Variants in RCAN3 observed in about 807,000 individuals in gnomAD.
RCAN3 encodes calcipressin-3.
Under a neutral mutation model 21.9 loss-of-function variants are expected in RCAN3, and 19 were observed. That is an observed-to-expected ratio of 0.87 (90% CI 0.61 to 1.27). The LOEUF is 1.27. RCAN3 is among the 50% of genes most tolerant of loss of function. The pLI, the probability that RCAN3 is intolerant of heterozygous loss-of-function variation, is 0.00. For missense variants in RCAN3, 240 were observed against 300.1 expected (o/e 0.80, Z 1.48); for synonymous variants, 114 against 112.3 (o/e 1.01, Z -0.09).
intron 1 of RCAN3, among the ~76,000 whole-genome samples, chr1:24,512,493 A>T (rs1474081800): frequency 6.6e-6 from 1 of 152,160 alleles, no homozygotes; most frequent in Non-Finnish European, 1.5e-5. Context: ...TCACTCCCCA[A>T]CACCAAGCAG....
At chr1:24,504,580 G>A (rs1647295450) in intron 1 of RCAN3, among the ~76,000 whole-genome samples, 1 of 152,218 alleles carries the variant, frequency 6.6e-6, no homozygotes, top group Admixed American at 6.5e-5. Context: ...TGAACATTAG[G>A]TAACAGACAA....
At chr1:24,508,475 T>C (rs185801076) in intron 1 of RCAN3, among the ~76,000 whole-genome samples, 28 of 152,074 alleles carry the variant, frequency 1.8e-4, no homozygotes, top group African/African-American at 6.5e-4. Flanking sequence ...CCAGTGTGGA[T>C]AAAGTCACGC....
Position 24,531,283 on chromosome 1 carries a change from TAG to T in RCAN3, c.263_264del (p.Arg88LysfsTer10). The stretch of plus-strand genomic sequence containing the variant: ...TTACTTTTCAGCTGTTTAAAAGCTT[TAG>T]AAGAGTCAGAATAAATTTCAGCAAA... The part of the protein sequence containing the change: ...QVTFQLFKSF[R>X]RVRINFSKPE... On this transcript the variant is annotated frameshift_variant, in exon 3 of 5. Transcript: ENST00000374395. LOFTEE classifies it high-confidence loss of function. 1 of 1,613,924 alleles carries T rather than the reference TAG, an allele frequency of 6.2e-7. No homozygotes were observed. Among genetic ancestry groups the T allele is most frequent in the Middle Eastern group, 1.6e-4 (1 of 6,062 alleles).
intron 2 of RCAN3, among the ~76,000 whole-genome samples, chr1:24,518,908 G>A (rs922402035): frequency 1.3e-5 from 2 of 152,058 alleles, no homozygotes; most frequent in African/African-American, 4.8e-5. Flanking sequence ...CAAGTAGCTA[G>A]GATTACAGGC....
Position 24,538,571 on chromosome 1 carries a change from A to ATTTTTTTTTTT in RCAN3, c.*3304_*3314dup, listed in dbSNP as rs34827408. ...AGGCGCCCGCTCCCACGCCCGGCTAATTTTTTTTTTTTTTTTTTTTATAAG... is the reference window on the plus strand; with the variant it reads ...AGGCGCCCGCTCCCACGCCCGGCTAATTTTTTTTTTTTTTTTTTTTTTTTTTTTTTTATAAG... On this transcript the variant is annotated 3_prime_UTR_variant, in exon 5 of 5. Transcript: ENST00000374395. 1.6e-5 allele frequency: 2 copies of ATTTTTTTTTTT among 127,560 alleles called. No homozygotes were observed. The highest frequency in any genetic ancestry group is 6.3e-5 in the African/African-American group (2 of 31,610). The allele number at this position is 127,560 out of a possible 1,614,324, so 7.9% of individuals were successfully genotyped here.
Position 24,535,256 on chromosome 1 carries a change from G to C in RCAN3, c.705G>C (p.Gln235His), listed in dbSNP as rs1650143130. 6.4e-7 allele frequency: 1 copy of C among 1,557,394 alleles called. No homozygotes were observed. Among genetic ancestry groups the C allele is most frequent in the Admixed American group, 2.2e-5 (1 of 45,850 alleles). Residue 235 changes from glutamine to histidine, a missense_variant, in exon 5 of 5, where the codon CAG (glutamine) becomes CAC (histidine). Physicochemically the swap from Gln to His is conservative, Grantham distance 24. Coordinates refer to ENST00000374395, the MANE Select transcript of RCAN3 (RefSeq NM_013441.4). Reference sequence around the variant, plus strand: ...CGACCGCAGCGTTGAATGAGCCCCAGACCTTTGATTGCGCGCTGTGAGGCC... The same window carrying C: ...CGACCGCAGCGTTGAATGAGCCCCACACCTTTGATTGCGCGCTGTGAGGCC... The part of the protein sequence containing the change: ...DPPTAALNEP[Q>H]TFDCAL
At chr1:24,534,958 A>G (rs11801548) in intron 4 of RCAN3, 135 bp from the exon 5 acceptor site, 29,609 of 802,182 alleles carry the variant, frequency 0.037, 1,711 homozygotes, top group African/African-American at 0.22. Flanking sequence ...AAAATACTCT[A>G]ACATAGTATT....
chr1:24,505,225 CTTTTTTCTTTTT>C (rs1647338716), intron 1 of RCAN3, among the ~76,000 whole-genome samples: 5 of 109,564 alleles, frequency 4.6e-5, no homozygotes, highest in South Asian at 2.9e-4. Context: ...TTTTTTTTCT[CTTTTTTCTTTTT>C]TTTTTTTTTT....
intron 2 of RCAN3, among the ~76,000 whole-genome samples, chr1:24,526,621 G>GGGAATAATTT (rs879695086): frequency 6.6e-6 from 1 of 152,146 alleles, no homozygotes; most frequent in African/African-American, 2.4e-5. Context: ...TAATACATGA[G>GGGAATAATTT]CCTTTTCCCT....
chr1:24,529,732 G>A (rs1649595380), intron 2 of RCAN3, among the ~76,000 whole-genome samples: 1 of 150,894 alleles, frequency 6.6e-6, no homozygotes, highest in Non-Finnish European at 1.5e-5. Flanking sequence ...TATATTTTTA[G>A]TAGAGACAGG....
rs913296874 is a variant in RCAN3, at chr1:24,514,173, G to A, written c.-59-141G>A. ...TATCTAGAATTCACTTACGAGGACT[G>A]TAATGCATTGATTTAAATATTGATT... On this transcript the variant is annotated intron_variant, in intron 1 of 4. Coordinates refer to ENST00000374395, the MANE Select transcript of RCAN3 (RefSeq NM_013441.4). The A allele has an allele frequency of 4.9e-5, 22 of 446,394 alleles. No individual in the cohort carries two copies. In the East Asian group the frequency reaches 6.4e-4, roughly 13 times the overall value. The allele number at this position is 446,394 out of a possible 1,614,324, so 27.7% of individuals were successfully genotyped here.
rs1038213838 is a variant in RCAN3, at chr1:24,539,264, T to C, written c.*3987T>C. 6.6e-6 allele frequency: 1 copy of C among 151,712 alleles called. No individual in the cohort carries two copies. Among genetic ancestry groups the C allele is most frequent in the African/African-American group, 2.4e-5 (1 of 41,320 alleles). The allele number at this position is 151,712 out of a possible 1,614,324, so 9.4% of individuals were successfully genotyped here. A position where few individuals can be genotyped will look rare whatever the true frequency, so the allele number is the denominator to read the frequency against. On this transcript the variant is annotated 3_prime_UTR_variant, in exon 5 of 5. Coordinates refer to ENST00000374395, the MANE Select transcript of RCAN3 (RefSeq NM_013441.4). ...AAAAAAAAGGCATGAGGTGGGAGGA[T>C]TCTTTTTTCCCTGATGGGAAACAGT... is the stretch of plus-strand genomic sequence containing the variant.
chr1:24,510,494 A>T (rs1019674933), intron 1 of RCAN3, among the ~76,000 whole-genome samples: 2 of 152,214 alleles, frequency 1.3e-5, no homozygotes, highest in African/African-American at 4.8e-5. Flanking sequence ...CTTCAGCCTC[A>T]TAAACCAACC....
At chr1:24,523,631 C>T (rs867642070) in intron 2 of RCAN3, among the ~76,000 whole-genome samples, 5,955 of 138,794 alleles carry the variant, frequency 0.043, 424 homozygotes, top group African/African-American at 0.17. Flanking sequence ...CACACACACA[C>T]ACACACACAC....
At chr1:24,517,542 A>T (rs1445412948) in intron 2 of RCAN3, among the ~76,000 whole-genome samples, 3 of 152,222 alleles carry the variant, frequency 2.0e-5, no homozygotes, top group Non-Finnish European at 2.9e-5. Context: ...ACGTAAATTT[A>T]TACTGGAAAT....
intron 2 of RCAN3, among the ~76,000 whole-genome samples, chr1:24,530,356 C>CAAAAAAAAAAAAAAAAAAAAAAAAAAAA: frequency 1.2e-5 from 1 of 81,498 alleles, no homozygotes; most frequent in South Asian, 4.1e-4. Flanking sequence ...CTCTTATCTC[C>CAAAAAAAAAAAAAAAAAAAAAAAAAAAA]AAAAAAAAAA....
At chr1:24,531,110 T>C (rs1010366772) in intron 2 of RCAN3, 108 bp from the exon 3 acceptor site, 3 of 768,718 alleles carry the variant, frequency 3.9e-6, no homozygotes, top group Non-Finnish European at 4.1e-6. Flanking sequence ...GGTTAACTTA[T>C]AATGAGTTCT....
At chr1:24,524,828 GTTTT>G (rs5773091) in intron 2 of RCAN3, among the ~76,000 whole-genome samples, 3 of 127,230 alleles carry the variant, frequency 2.4e-5, no homozygotes, top group Admixed American at 8.5e-5. Context: ...GTTTTCTTTT[GTTTT>G]TTTTTTTTTT....
At chr1:24,515,820 G>C (rs1648270939) in intron 2 of RCAN3, among the ~76,000 whole-genome samples, 2 of 152,130 alleles carry the variant, frequency 1.3e-5, no homozygotes, top group Non-Finnish European at 2.9e-5. Flanking sequence ...AAGCAATTAT[G>C]TTATCAAATG....
Sources: allele counts gnomAD v4.1 joint callset (sites outside exome capture counted in the v4.1 genomes callset), GRCh38; gene constraint gnomAD v4.1.1; transcripts MANE v1.5; gene names NCBI Gene and HGNC (gene_info 2026-07-23, HGNC 2026-07-21).